The following STAB2 variants were observed in gnomAD, a reference collection of about 807,000 sequenced individuals.
The protein encoded by STAB2 is stabilin 2.
Under a neutral mutation model 338.1 loss-of-function variants are expected in STAB2, and 288 were observed. That is an observed-to-expected ratio of 0.85 (90% confidence interval 0.77 to 0.94). The LOEUF (loss-of-function observed/expected upper bound fraction) is 0.94. Among genes scored for constraint, STAB2 ranks in the 40% least tolerant of loss-of-function variants. The probability of loss-of-function intolerance (pLI) is 0.00; values close to 1 mark genes in which losing one functional copy is unlikely to be tolerated. For missense variants in STAB2, 3,141 were observed against 3,210.1 expected (o/e 0.98, Z 0.52); for synonymous variants, 1,202 against 1,193.3 (o/e 1.01, Z -0.15).
chr12:103,633,116 T>C (rs1238058155), intron 6 of STAB2, among the ~76,000 whole-genome samples: 2 of 152,214 alleles, frequency 1.3e-5, no homozygotes, highest in Non-Finnish European at 2.9e-5. Flanking sequence ...AGGCCTTCTG[T>C]GGTCCTCAGT....
chr12:103,692,639 G>T (rs1487435878), intron 30 of STAB2, among the ~76,000 whole-genome samples, 173 bp from the exon 31 acceptor site: 1 of 59,138 alleles, frequency 1.7e-5, no homozygotes, highest in African/African-American at 4.1e-5. Flanking sequence ...GTGTGTGAGA[G>T]AGAGAGAGAG....
At chr12:103,643,858 C>A (rs569594680) in intron 9 of STAB2, among the ~76,000 whole-genome samples, 3 of 147,864 alleles carry the variant, frequency 2.0e-5, no homozygotes, top group Middle Eastern at 3.4e-3. Flanking sequence ...CCCGGCCAGC[C>A]GCCCCGTCCG....
chr12:103,756,975 CAGT>C (rs1269054878), intron 63 of STAB2, among the ~76,000 whole-genome samples: 1 of 123,022 alleles, frequency 8.1e-6, no homozygotes, highest in East Asian at 2.3e-4. Context: ...CTCTGGGCCT[CAGT>C]AGCCCAGAAG....
intron 25 of STAB2, 81 bp from the exon 26 acceptor site, chr12:103,683,124 G>A (rs904278690): frequency 1.3e-5 from 16 of 1,255,890 alleles, no homozygotes; most frequent in African/African-American, 1.0e-4. Context: ...TCCATAGTAC[G>A]TTTCTCAGTG....
chr12:103,692,855 C>T lies in STAB2; in HGVS notation c.3341C>T (p.Ala1114Val). The T allele has an allele frequency of 6.2e-7, 1 of 1,613,588 alleles. No individual in the cohort carries two copies. Among genetic ancestry groups the T allele is most frequent in the East Asian group, 2.2e-5 (1 of 44,878 alleles). The change falls in exon 31 of 69, where the codon GCA (alanine) becomes GTA (valine). Residue 1114 changes from alanine (A) to valine (V), a missense_variant. Transcript: ENST00000388887. ...EGASIVDGDN[A>V]ATNGVIHIIN... ...GCCTCCATTGTCGATGGGGACAACG[C>T]AGCCACAAATGGAGTGATACACATC...
chr12:103,728,570 T>C (rs1881393222), intron 47 of STAB2, among the ~76,000 whole-genome samples: 2 of 152,254 alleles, frequency 1.3e-5, no homozygotes, highest in Admixed American at 6.5e-5. Flanking sequence ...CTCACAGAAC[T>C]TGGGATCTTT....
At chr12:103,623,211 G>T (rs886577707) in intron 5 of STAB2, among the ~76,000 whole-genome samples, 11 of 152,182 alleles carry the variant, frequency 7.2e-5, no homozygotes, top group African/African-American at 2.7e-4. Context: ...AGCTCTGGGG[G>T]TCGGTGCAGA....
intron 33 of STAB2, 130 bp from the exon 34 acceptor site, chr12:103,698,966 C>T: frequency 8.7e-7 from 1 of 1,144,344 alleles, no homozygotes. Context: ...GTCTTAATAC[C>T]TCTGTCAAAA....
intron 15 of STAB2, among the ~76,000 whole-genome samples, chr12:103,658,596 C>T (rs1874368844): frequency 1.3e-5 from 2 of 152,092 alleles, no homozygotes; most frequent in South Asian, 4.1e-4. Context: ...TACCAGTCCC[C>T]TTATTTTGCA....
chr12:103,650,617 T>A (rs764002454), intron 11 of STAB2, 39 bp downstream of exon 11: 3 of 1,560,322 alleles, frequency 1.9e-6, no homozygotes, highest in African/African-American at 2.7e-5. Context: ...GGGGCTAATA[T>A]GAAAAGCCTT....
chr12:103,616,556 C>A (rs1396887985), intron 3 of STAB2, among the ~76,000 whole-genome samples: 1 of 152,188 alleles, frequency 6.6e-6, no homozygotes, highest in Non-Finnish European at 1.5e-5. Flanking sequence ...GTAAAAATAC[C>A]TGGGAGGACA....
intron 3 of STAB2, among the ~76,000 whole-genome samples, chr12:103,609,400 C>T (rs1957084801): frequency 6.6e-6 from 1 of 152,194 alleles, no homozygotes; most frequent in African/African-American, 2.4e-5. Context: ...AGAGGTCCTT[C>T]ACATCCCTTG....
At position 103,735,600 on chromosome 12, in the gene STAB2, G is replaced by A. The variant is rs1336109143; in HGVS notation, c.5550+20G>A. On this transcript the variant is annotated intron_variant, in intron 52 of 68. Coordinates refer to ENST00000388887, the MANE Select transcript of STAB2 (RefSeq NM_017564.10). ...GACATCGTGAGTATCATCATGAAGG[G>A]TGGGCAGGGAGGGGTTAACACATTC... 2.7e-6 allele frequency: 4 copies of A among 1,480,076 alleles called. No homozygotes were observed. Among genetic ancestry groups the A allele is most frequent in the South Asian group, 1.2e-5 (1 of 84,336 alleles). The allele number at this position is 1,480,076 out of a possible 1,614,324, so 91.7% of individuals were successfully genotyped here.
At chr12:103,679,168 G>A (rs554062543) in intron 25 of STAB2, among the ~76,000 whole-genome samples, 230 of 152,156 alleles carry the variant, frequency 1.5e-3, no homozygotes, top group Non-Finnish European at 2.6e-3. Context: ...CTGAGATTGG[G>A]AGTTCGAGCC....
intron 51 of STAB2, among the ~76,000 whole-genome samples, chr12:103,734,268 A>G (rs897262236): frequency 7.3e-5 from 11 of 150,562 alleles, no homozygotes; most frequent in Admixed American, 2.6e-4. Flanking sequence ...CATAGGAGCA[A>G]GCAAGATCAT....
chr12:103,667,583 C>T (rs931436413), intron 19 of STAB2, among the ~76,000 whole-genome samples: 3 of 152,138 alleles, frequency 2.0e-5, no homozygotes, highest in East Asian at 1.9e-4. Context: ...GGGTAGGAGC[C>T]AAAAGAAGCC....
intron 52 of STAB2, among the ~76,000 whole-genome samples, chr12:103,737,185 C>T (rs1882197879): frequency 1.3e-5 from 2 of 152,160 alleles, no homozygotes; most frequent in South Asian, 2.1e-4. Context: ...TTGCTCCAAC[C>T]TATCACCCAC....
chr12:103,714,139 G>A lies in STAB2; in HGVS notation c.4537+371G>A, dbSNP rs563060566. The stretch of plus-strand genomic sequence containing the variant: ...CTTATTATTGTCATTACCCCATTTT[G>A]CTATGCCTACATGTATTTTTTTTTA... On this transcript the variant is annotated intron_variant, in intron 42 of 68. Coordinates refer to ENST00000388887, the MANE Select transcript of STAB2 (RefSeq NM_017564.10). Among the ~76,000 whole-genome samples the A allele has an allele frequency of 2.0e-5, 3 of 152,190 alleles. No individual in the cohort carries two copies. The South Asian group carries it at 6.2e-4, about 32-fold the overall frequency.
At chr12:103,746,503 TG>T in intron 57 of STAB2, 93 bp from the exon 58 acceptor site, 1 of 1,152,368 alleles carries the variant, frequency 8.7e-7, no homozygotes, top group Non-Finnish European at 1.3e-6. Flanking sequence ...ATGAACACAG[TG>T]GTCGTCCAGA....
Sources: allele counts gnomAD v4.1 joint callset (sites outside exome capture counted in the v4.1 genomes callset), GRCh38; gene constraint gnomAD v4.1.1; transcripts MANE v1.5; gene names NCBI Gene and HGNC (gene_info 2026-07-23, HGNC 2026-07-21).